LUZP2: variants seen among roughly 807,000 people sequenced by gnomAD.
LUZP2 encodes leucine zipper protein 2.
Under a neutral mutation model 51.6 loss-of-function variants are expected in LUZP2, and 52 were observed. The observed-to-expected ratio is 1.01, with a 90% CI of 0.81 to 1.27. LUZP2 has a LOEUF of 1.27. Ranked by LOEUF, LUZP2 falls within the 50% of genes most tolerant of loss-of-function variation. LUZP2 has a pLI of 0.00. For synonymous variants in LUZP2, 154 were observed against 137.3 expected, an observed-to-expected ratio of 1.12 and a Z score of -0.85; for missense variants, 436 against 395.4, an observed-to-expected ratio of 1.10 and a Z score of -0.87.
intron 7 of LUZP2, among the ~76,000 whole-genome samples, chr11:24,974,084 C>T (rs1390042802): frequency 6.6e-6 from 1 of 151,954 alleles, no homozygotes; most frequent in African/African-American, 2.4e-5. Context: ...CTTTGTAGGT[C>T]TCTAAGAACT....
At chr11:24,832,036 G>A (rs898607134) in intron 5 of LUZP2, 4 of 152,498 alleles carry the variant, frequency 2.6e-5, no homozygotes, top group South Asian at 4.1e-4. Context: ...AATATGTGTG[G>A]AATTAATTAA....
chr11:24,646,681 G>T (rs748385589), intron 1 of LUZP2: 1 of 770,806 alleles, frequency 1.3e-6, no homozygotes, highest in East Asian at 1.3e-4. Context: ...CTCCCCAAAA[G>T]ACTGTTGCTG....
intron 5 of LUZP2, among the ~76,000 whole-genome samples, chr11:24,848,277 G>C (rs1239674651): frequency 6.6e-6 from 1 of 152,118 alleles, no homozygotes; most frequent in African/African-American, 2.4e-5. Flanking sequence ...ACTCCTTAGA[G>C]ATATTTCTAG....
At chr11:24,540,571 T>C (rs1851325973) in intron 1 of LUZP2, among the ~76,000 whole-genome samples, 1 of 152,080 alleles carries the variant, frequency 6.6e-6, no homozygotes, top group Admixed American at 6.6e-5. Flanking sequence ...CATCCAGAAG[T>C]GTGAGAAAAT....
intron 1 of LUZP2, among the ~76,000 whole-genome samples, chr11:24,563,538 G>A (rs1239432591): frequency 6.6e-6 from 1 of 151,974 alleles, no homozygotes; most frequent in African/African-American, 2.4e-5. Flanking sequence ...TAATAAGTAC[G>A]ATTCTATCAA....
At chr11:24,971,945 G>A (rs1239431456) in intron 7 of LUZP2, among the ~76,000 whole-genome samples, 1 of 151,958 alleles carries the variant, frequency 6.6e-6, no homozygotes, top group Non-Finnish European at 1.5e-5. Context: ...ATCGAGACCA[G>A]CATGGCCACC....
At chr11:24,623,264 G>A (rs11028077) in intron 1 of LUZP2, among the ~76,000 whole-genome samples, 65,708 of 151,762 alleles carry the variant, frequency 0.43, 14,325 homozygotes, top group Middle Eastern at 0.48. Flanking sequence ...AAAAATTTAC[G>A]GGACTTAAAG....
intron 5 of LUZP2, among the ~76,000 whole-genome samples, chr11:24,876,499 A>G (rs1280223549): frequency 6.7e-6 from 1 of 148,768 alleles, no homozygotes; most frequent in African/African-American, 2.5e-5. Flanking sequence ...TGGTTACTGT[A>G]GCCTTGTAGT....
At chr11:24,504,741 C>CTTAAA (rs139919602) in intron 1 of LUZP2, among the ~76,000 whole-genome samples, 9,787 of 151,704 alleles carry the variant, frequency 0.065, 332 homozygotes, top group Middle Eastern at 0.1. Flanking sequence ...AAATGAAGTC[C>CTTAAA]TTAATTTCAT....
intron 10 of LUZP2, among the ~76,000 whole-genome samples, chr11:25,074,506 C>G (rs1304437989): frequency 4.6e-5 from 7 of 152,014 alleles, no homozygotes; most frequent in Admixed American, 4.6e-4. Flanking sequence ...TTCAGATGAT[C>G]AAAGGCTTAT....
intron 9 of LUZP2, among the ~76,000 whole-genome samples, chr11:25,002,991 G>A (rs1284503431): frequency 1.3e-5 from 2 of 152,142 alleles, no homozygotes; most frequent in African/African-American, 2.4e-5. Flanking sequence ...GTCTTAGGGT[G>A]AGAATAAGCC....
chr11:24,767,647 G>A lies in LUZP2; in HGVS notation c.396+4339G>A, dbSNP rs191601961. On this transcript the variant is annotated intron_variant, in intron 5 of 11. Coordinates refer to ENST00000336930, the MANE Select transcript of LUZP2 (RefSeq NM_001009909.4). ...TTCATATGTTTGCAAATCAAGCAACGATAACGTCACTTACAAAGCCTAACT... is the reference window on the plus strand; with the variant it reads ...TTCATATGTTTGCAAATCAAGCAACAATAACGTCACTTACAAAGCCTAACT... 2.9e-3 allele frequency among the ~76,000 whole-genome samples: 447 copies of A among 152,216 alleles called. 2 individuals are homozygous for A. Among genetic ancestry groups the A allele is most frequent in the African/African-American group, 0.01 (422 of 41,530 alleles).
intron 5 of LUZP2, among the ~76,000 whole-genome samples, chr11:24,842,661 C>A (rs1023135188): frequency 6.6e-6 from 1 of 151,828 alleles, no homozygotes; most frequent in Non-Finnish European, 1.5e-5. Context: ...GACGCAAATA[C>A]TTCTAAATTA....
At chr11:24,566,351 G>A (rs11822756) in intron 1 of LUZP2, among the ~76,000 whole-genome samples, 3 of 132,046 alleles carry the variant, frequency 2.3e-5, no homozygotes, top group South Asian at 2.4e-4. Context: ...TTTTTTTTGA[G>A]ACGTAGTCTC....
intron 5 of LUZP2, among the ~76,000 whole-genome samples, chr11:24,870,666 C>A (rs1852041436): frequency 6.6e-6 from 1 of 152,110 alleles, no homozygotes; most frequent in African/African-American, 2.4e-5. Context: ...GCTTTTGATG[C>A]TGCTAGCTTG....
intron 5 of LUZP2, among the ~76,000 whole-genome samples, chr11:24,806,911 A>G (rs897452400): frequency 6.6e-5 from 10 of 151,894 alleles, no homozygotes; most frequent in African/African-American, 2.4e-4. Context: ...GGGATGACAA[A>G]AAAAAAATCA....
intron 4 of LUZP2, among the ~76,000 whole-genome samples, chr11:24,752,570 AT>A (rs1859632784): frequency 6.6e-6 from 1 of 152,198 alleles, no homozygotes; most frequent in Non-Finnish European, 1.5e-5. Context: ...GGAAAATATG[AT>A]TGGAGTGAGG....
chr11:24,718,397 A>G lies in LUZP2; in HGVS notation c.63-10772A>G, dbSNP rs370444988. ...AGTCTTTTGCGCAGATTAATCAGTGAAGCACAAGTTTAGCTAATCATTATG... is the reference window on the plus strand; with the variant it reads ...AGTCTTTTGCGCAGATTAATCAGTGGAGCACAAGTTTAGCTAATCATTATG... On this transcript the variant is annotated intron_variant, in intron 1 of 11. Transcript: ENST00000336930. 7.0e-4 allele frequency among the ~76,000 whole-genome samples: 107 copies of G among 152,332 alleles called. 2 individuals are homozygous for G. The South Asian group carries it at 0.015, about 22-fold the overall frequency.
chr11:24,676,155 C>T (rs1590333412), intron 1 of LUZP2, among the ~76,000 whole-genome samples: 1 of 152,008 alleles, frequency 6.6e-6, no homozygotes, highest in African/African-American at 2.4e-5. Flanking sequence ...CAACACAATG[C>T]TAATGGCAGA....
Sources: allele counts gnomAD v4.1 joint callset (sites outside exome capture counted in the v4.1 genomes callset), GRCh38; gene constraint gnomAD v4.1.1; transcripts MANE v1.5; gene names NCBI Gene and HGNC (gene_info 2026-07-23, HGNC 2026-07-21).